USP28: variants seen among roughly 807,000 people sequenced by gnomAD.
USP28 encodes the protein ubiquitin carboxyl-terminal hydrolase 28.
USP28 carries 113 observed loss-of-function variants against 145.0 expected under a neutral mutation model. The observed-to-expected ratio is 0.78, with a 90% confidence interval of 0.67 to 0.91. USP28 has a LOEUF of 0.91. USP28 is among the 40% of genes least tolerant of loss of function. The pLI, the probability that USP28 is intolerant of heterozygous loss-of-function variation, is 0.00. For synonymous variants in USP28, 447 were observed against 450.9 expected (o/e 0.99, Z 0.11); for missense variants, 1,201 against 1,289.6 (o/e 0.93, Z 1.05).
intron 16 of USP28, 60 bp downstream of exon 16, chr11:113,812,216 T>C: frequency 7.6e-7 from 1 of 1,315,240 alleles, no homozygotes; most frequent in Non-Finnish European, 1.1e-6. Flanking sequence ...ACAAGACTGT[T>C]CTTCTCCCTG....
intron 1 of USP28, among the ~76,000 whole-genome samples, chr11:113,868,557 T>C (rs1948515960): frequency 1.3e-5 from 2 of 152,152 alleles, no homozygotes; most frequent in South Asian, 2.1e-4. Flanking sequence ...AATTCAATCA[T>C]GGTCATAAGC....
intron 16 of USP28, among the ~76,000 whole-genome samples, chr11:113,809,640 T>G (rs975562148): frequency 4.6e-5 from 7 of 152,220 alleles, no homozygotes; most frequent in Admixed American, 2.6e-4. Context: ...ATGCTCAACC[T>G]GTATGGACAA....
exon 3 of USP28, chr11:113,852,554 G>C (rs757212866): frequency 2.5e-6 from 4 of 1,614,166 alleles, no homozygotes; most frequent in Admixed American, 3.3e-5. Context: ...TGGTTCTGTA[G>C]CAACAGTGTC....
chr11:113,803,661 A>G (rs942486051), intron 22 of USP28, 137 bp downstream of exon 23: 2 of 661,882 alleles, frequency 3.0e-6, no homozygotes, highest in African/African-American at 3.7e-5. Flanking sequence ...AAACCAAAGC[A>G]CTGCAAGAGA....
chr11:113,874,949 G>GC, intron 1 of USP28: 12 of 451,202 alleles, frequency 2.7e-5, no homozygotes, highest in Non-Finnish European at 2.9e-5. Context: ...GGGAGGGAGG[G>GC]AAGTGGTGGT....
chr11:113,808,146 C>T lies in USP28; in HGVS notation c.2304+152G>A, dbSNP rs768395507. 6.6e-7 allele frequency: 1 copy of T among 1,513,780 alleles called. No individual in the cohort carries two copies. The highest frequency in any genetic ancestry group is 1.3e-5 in the South Asian group (1 of 78,678). 93.8% of individuals were successfully genotyped at this position (1,513,780 alleles called of 1,614,324 possible). A position where few individuals can be genotyped will look rare whatever the true frequency, so the allele number is the denominator to read the frequency against. On this transcript the variant is annotated intron_variant, in intron 18 of 24. Coordinates refer to ENST00000003302, the Ensembl canonical transcript of USP28. Reference sequence around the variant, plus strand: ...GTTCAGCTTCTTTAAGCTGTGGCAGCAGAGTGGGGAGAAAGAGTAAGAAAA... The same window carrying T: ...GTTCAGCTTCTTTAAGCTGTGGCAGTAGAGTGGGGAGAAAGAGTAAGAAAA...
At chr11:113,805,751 C>G (rs1464619957) in intron 19 of USP28, among the ~76,000 whole-genome samples, 1 of 152,134 alleles carries the variant, frequency 6.6e-6, no homozygotes, top group Non-Finnish European at 1.5e-5. Context: ...AAGGCACAAT[C>G]TAACTCAGTG....
At chr11:113,814,340 T>G (rs1383096762) in intron 14 of USP28, among the ~76,000 whole-genome samples, 1 of 152,162 alleles carries the variant, frequency 6.6e-6, no homozygotes, top group Non-Finnish European at 1.5e-5. Context: ...GTATTTTCCA[T>G]CATCTTTTTG....
intron 3 of USP28, among the ~76,000 whole-genome samples, chr11:113,844,743 T>A (rs1945629345): frequency 6.6e-6 from 1 of 150,870 alleles, no homozygotes; most frequent in Admixed American, 6.6e-5. Context: ...CAAAAAATAA[T>A]ATTAATAATA....
Position 113,823,592 on chromosome 11 carries a change from G to A in USP28, c.1283+13C>T. The A allele has an allele frequency of 2.5e-6, 4 of 1,581,514 alleles. No homozygotes were observed. The highest frequency in any genetic ancestry group is 2.3e-5 in the South Asian group (2 of 88,774). ...CTTTTACATTTCTAAGCATGAAGGT[G>A]TCCAAAACTCACCTTTCCAATTTTT... On this transcript the variant is annotated intron_variant, in intron 12 of 24. Coordinates refer to ENST00000003302, the Ensembl canonical transcript of USP28.
chr11:113,861,032 C>G (rs891437338), intron 1 of USP28, among the ~76,000 whole-genome samples: 4 of 150,890 alleles, frequency 2.7e-5, no homozygotes, highest in Admixed American at 2.6e-4. Flanking sequence ...GCAGGAGAAC[C>G]TGGCGTGAAC....
At chr11:113,823,897 C>A (rs1348896419) in intron 11 of USP28, among the ~76,000 whole-genome samples, 197 bp from the exon 12 acceptor site, 1 of 152,122 alleles carries the variant, frequency 6.6e-6, no homozygotes, top group Non-Finnish European at 1.5e-5. Flanking sequence ...ACTCTTGCTA[C>A]TTCTATTAAA....
intron 3 of USP28, among the ~76,000 whole-genome samples, chr11:113,849,633 C>T (rs540304910): frequency 6.6e-6 from 1 of 152,208 alleles, no homozygotes; most frequent in African/African-American, 2.4e-5. Context: ...AGAAGAAATC[C>T]CTTAGATGTG....
At chr11:113,814,288 G>T (rs976379798) in intron 14 of USP28, among the ~76,000 whole-genome samples, 3 of 152,106 alleles carry the variant, frequency 2.0e-5, no homozygotes, top group Non-Finnish European at 4.4e-5. Flanking sequence ...CAGAACAAAG[G>T]GTAAGGCTAA....
chr11:113,812,610 T>C (rs1362689675), intron 15 of USP28, 106 bp from the exon 16 acceptor site: 5 of 950,506 alleles, frequency 5.3e-6, no homozygotes, highest in African/African-American at 1.6e-5. Flanking sequence ...GTGGGGTTCA[T>C]ATTAAAACAT....
intron 18 of USP28, 44 bp downstream of exon 19, chr11:113,807,906 AT>A: frequency 2.0e-6 from 2 of 994,510 alleles, no homozygotes; most frequent in Non-Finnish European, 2.4e-6. Context: ...AGAAGGAAAT[AT>A]AAGACTGACA....
At chr11:113,828,476 A>T (rs1224777890) in intron 10 of USP28, among the ~76,000 whole-genome samples, 2 of 152,218 alleles carry the variant, frequency 1.3e-5, no homozygotes, top group Non-Finnish European at 2.9e-5. Context: ...ATGTATTTTC[A>T]TATGGCTCAT....
chr11:113,807,188 T>G (rs544515461), intron 18 of USP28, among the ~76,000 whole-genome samples: 6 of 152,168 alleles, frequency 3.9e-5, no homozygotes, highest in Admixed American at 3.3e-4. Flanking sequence ...TTCTCCTGCC[T>G]CAGCCTCCCA....
chr11:113,860,621 C>A (rs1947565734), intron 1 of USP28, among the ~76,000 whole-genome samples: 1 of 151,662 alleles, frequency 6.6e-6, no homozygotes, highest in South Asian at 2.1e-4. Flanking sequence ...ACCAGCCTGG[C>A]CAATATGGTG....
Sources: gnomAD v4.1 joint callset for allele counts (sites outside exome capture counted in the v4.1 genomes callset) on GRCh38, gnomAD v4.1.1 for gene constraint, MANE v1.5 for transcripts, NCBI Gene and HGNC (gene_info 2026-07-23, HGNC 2026-07-21) for gene names.